The following WDR41 variants were observed in gnomAD, a reference collection of about 807,000 sequenced individuals.
WDR41 encodes the protein WD repeat domain 41, also known as WD repeat-containing protein 41.
WDR41 carries 63 observed loss-of-function variants against 69.3 expected under a neutral mutation model. That is an observed-to-expected ratio of 0.91 (90% confidence interval 0.74 to 1.12). The LOEUF (loss-of-function observed/expected upper bound fraction) is 1.12. WDR41 is among the 50% of genes most tolerant of loss of function. The probability of loss-of-function intolerance (pLI) is 0.00; values close to 1 mark genes in which losing one functional copy is unlikely to be tolerated. For missense variants in WDR41, 543 were observed against 534.5 expected (o/e 1.02, Z -0.16); for synonymous variants, 185 against 192.1 (o/e 0.96, Z 0.31).
At chr5:77,451,460 G>C in intron 6 of WDR41, 107 bp from the exon 7 acceptor site, 2 of 996,772 alleles carry the variant, frequency 2.0e-6, no homozygotes, top group South Asian at 2.9e-5. Flanking sequence ...AGAAGATAAA[G>C]CACACAGAAC....
chr5:77,484,539 AGCT>A (rs1801425060), intron 2 of WDR41, among the ~76,000 whole-genome samples: 1 of 152,196 alleles, frequency 6.6e-6, no homozygotes, highest in Non-Finnish European at 1.5e-5. Flanking sequence ...TTAATATTGT[AGCT>A]GCTGGAATTT....
At chr5:77,535,955 G>T (rs1309789970) in intron 1 of WDR41, among the ~76,000 whole-genome samples, 1 of 152,090 alleles carries the variant, frequency 6.6e-6, no homozygotes, top group Admixed American at 6.5e-5. Flanking sequence ...GGATAGTTCT[G>T]CAGTCAAAAT....
chr5:77,573,686 G>C (rs548654866), intron 1 of WDR41, among the ~76,000 whole-genome samples: 2 of 152,226 alleles, frequency 1.3e-5, no homozygotes, highest in South Asian at 4.2e-4. Flanking sequence ...TTTATAGAAA[G>C]GGGGAGAGAT....
intron 3 of WDR41, 77 bp from the exon 4 acceptor site, chr5:77,463,303 C>G: frequency 7.3e-7 from 1 of 1,374,412 alleles, no homozygotes; most frequent in South Asian, 1.4e-5. Context: ...TTAAGTACAA[C>G]TACCATATAG....
intron 1 of WDR41, among the ~76,000 whole-genome samples, chr5:77,571,792 G>C (rs1184408004): frequency 6.6e-6 from 1 of 152,156 alleles, no homozygotes; most frequent in African/African-American, 2.4e-5. Flanking sequence ...CTCTCGTCCA[G>C]GAGCAAGTGT....
At chr5:77,584,214 A>T (rs1455796418) in intron 1 of WDR41, among the ~76,000 whole-genome samples, 3 of 152,196 alleles carry the variant, frequency 2.0e-5, no homozygotes, top group Non-Finnish European at 4.4e-5. Flanking sequence ...TTTCTATTCA[A>T]CATTGTACTG....
intron 1 of WDR41, among the ~76,000 whole-genome samples, chr5:77,619,257 C>G (rs1409060141): frequency 6.6e-6 from 1 of 152,150 alleles, no homozygotes. Flanking sequence ...TCACAGCATT[C>G]CAGGATCATT....
At chr5:77,554,652 CTTAT>C (rs1316345031) in intron 1 of WDR41, among the ~76,000 whole-genome samples, 35 of 150,020 alleles carry the variant, frequency 2.3e-4, no homozygotes, top group Admixed American at 2.3e-3. Context: ...TAATTTATAA[CTTAT>C]TTAGTATAAT....
At chr5:77,465,109 G>A (rs1187065652) in intron 2 of WDR41, among the ~76,000 whole-genome samples, 2 of 152,108 alleles carry the variant, frequency 1.3e-5, no homozygotes. Flanking sequence ...CCTGACTTAA[G>A]TGAAATGAAA....
chr5:77,450,988 T>C (rs1430917913), intron 7 of WDR41, among the ~76,000 whole-genome samples: 4 of 152,200 alleles, frequency 2.6e-5, no homozygotes, highest in African/African-American at 9.6e-5. Flanking sequence ...CTGATACACA[T>C]TGAACTTATG....
intron 1 of WDR41, among the ~76,000 whole-genome samples, chr5:77,620,221 C>T (rs995789546): frequency 7.1e-6 from 1 of 141,586 alleles, no homozygotes; most frequent in Non-Finnish European, 1.6e-5. Context: ...ACTCTACCCA[C>T]AACATCACCC....
intron 1 of WDR41, among the ~76,000 whole-genome samples, chr5:77,517,982 A>G (rs1187742101): frequency 1.3e-5 from 2 of 152,166 alleles, no homozygotes; most frequent in Admixed American, 1.3e-4. Context: ...TTCAGCAAAC[A>G]TTAGGCATTC....
chr5:77,492,285 C>T lies in WDR41; in HGVS notation c.-65G>A, dbSNP rs1338028025. Reference sequence around the variant, plus strand: ...AGCCCAAACTCCGCCCCAGGCTCGGCCTCCTCCTTCCTCCCCGGCTGCAGC... The same window carrying T: ...AGCCCAAACTCCGCCCCAGGCTCGGTCTCCTCCTTCCTCCCCGGCTGCAGC... On this transcript the variant is annotated 5_prime_UTR_variant, in exon 1 of 13. Transcript: ENST00000296679. 2.5e-6 allele frequency: 4 copies of T among 1,594,120 alleles called. No individual in the cohort carries two copies. The highest frequency in any genetic ancestry group is 2.7e-5 in the African/African-American group (2 of 74,298).
chr5:77,607,072 G>A (rs897831653), intron 1 of WDR41, among the ~76,000 whole-genome samples: 2 of 151,986 alleles, frequency 1.3e-5, no homozygotes, highest in African/African-American at 2.4e-5. Flanking sequence ...AGTACACATG[G>A]AGAGAAAAGC....
chr5:77,513,279 C>T (rs1802237182), intron 1 of WDR41, among the ~76,000 whole-genome samples: 1 of 152,176 alleles, frequency 6.6e-6, no homozygotes, highest in Non-Finnish European at 1.5e-5. Flanking sequence ...CTCTGTAGGT[C>T]TGTGCACCTG....
intron 1 of WDR41, among the ~76,000 whole-genome samples, chr5:77,590,190 G>A (rs1446080628): frequency 1.3e-5 from 2 of 152,040 alleles, no homozygotes; most frequent in Admixed American, 6.6e-5. Context: ...CTTGATTGTG[G>A]TATATTATCA....
At chr5:77,583,742 C>G (rs774753062) in intron 1 of WDR41, among the ~76,000 whole-genome samples, 30 of 152,106 alleles carry the variant, frequency 2.0e-4, no homozygotes, top group African/African-American at 4.1e-4. Flanking sequence ...ACCACTTCCT[C>G]TCTCCCAACT....
chr5:77,612,313 A>C (rs992689751), intron 1 of WDR41, among the ~76,000 whole-genome samples: 10 of 152,190 alleles, frequency 6.6e-5, no homozygotes, highest in Non-Finnish European at 1.2e-4. Flanking sequence ...TCATCCTGAC[A>C]CCCAAAACCA....
At chr5:77,531,321 C>T (rs1802526125) in intron 1 of WDR41, among the ~76,000 whole-genome samples, 1 of 151,830 alleles carries the variant, frequency 6.6e-6, no homozygotes, top group African/African-American at 2.4e-5. Flanking sequence ...AAATGACAAA[C>T]AACCCAATTT....
Sources: allele counts gnomAD v4.1 joint callset (sites outside exome capture counted in the v4.1 genomes callset), GRCh38; gene constraint gnomAD v4.1.1; transcripts MANE v1.5; gene names NCBI Gene and HGNC (gene_info 2026-07-23, HGNC 2026-07-21).